Variants in JMY observed in about 807,000 individuals in gnomAD.
JMY encodes the protein junction-mediating and -regulatory protein.
In JMY, 46 loss-of-function variants were observed where a neutral mutation model predicts 103.3. The ratio of observed to expected loss-of-function variants is 0.45; its 90% CI spans 0.35 to 0.57. The LOEUF is 0.57. JMY is among the 20% of genes least tolerant of loss of function. The pLI is 0.00. For missense variants in JMY, 1,238 were observed against 1,255.2 expected, an observed-to-expected ratio of 0.99 and a Z score of 0.21; for synonymous variants, 526 against 489.3, an observed-to-expected ratio of 1.07 and a Z score of -0.99.
chr5:79,294,854 GTC>G lies in JMY; in HGVS notation c.1527+3558_1527+3559del, dbSNP rs1465948683. 2.1e-5 allele frequency among the ~76,000 whole-genome samples: 3 copies of G among 144,582 alleles called. No homozygotes were observed. In the East Asian group the frequency reaches 6.0e-4, roughly 29 times the overall value. The allele number at this position is 144,582 out of a possible 152,430, so 94.9% of individuals were successfully genotyped here. ...GCCTGTGCGACAAGAGTGAAACTCT[GTC>G]TCAAAAAAAAAAAAAAAGGTATATC... On this transcript the variant is annotated intron_variant, in intron 4 of 10. Coordinates refer to ENST00000396137, the MANE Select transcript of JMY (RefSeq NM_152405.5).
At chr5:79,321,322 A>G (rs1230196227) in intron 10 of JMY, among the ~76,000 whole-genome samples, 1 of 152,208 alleles carries the variant, frequency 6.6e-6, no homozygotes, top group Non-Finnish European at 1.5e-5. Flanking sequence ...TTCTTACTCT[A>G]GTAGCAGTTT....
At chr5:79,314,219 T>C (rs752256367) in intron 8 of JMY, 38 bp from the exon 9 acceptor site, 4 of 1,550,712 alleles carry the variant, frequency 2.6e-6, no homozygotes, top group Non-Finnish European at 2.6e-6. Flanking sequence ...ATTGTTTCAA[T>C]AACATTTAAC....
intron 1 of JMY, among the ~76,000 whole-genome samples, chr5:79,239,471 T>C (rs1319255615): frequency 1.3e-5 from 2 of 152,184 alleles, no homozygotes; most frequent in Non-Finnish European, 2.9e-5. Flanking sequence ...AATCCCTTAA[T>C]GAATGGGCCT....
chr5:79,304,480 G>A (rs1211129339), intron 6 of JMY, among the ~76,000 whole-genome samples: 2 of 151,946 alleles, frequency 1.3e-5, no homozygotes, highest in Non-Finnish European at 2.9e-5. Context: ...CCCCGGCTGT[G>A]CTGGTGAAGT....
chr5:79,254,246 C>CA (rs1745174384), intron 1 of JMY, among the ~76,000 whole-genome samples: 1 of 151,994 alleles, frequency 6.6e-6, no homozygotes, highest in African/African-American at 2.4e-5. Flanking sequence ...CATGAGCCAT[C>CA]ACGCCCCAGC....
chr5:79,306,729 G>A (rs1392727732), intron 7 of JMY, among the ~76,000 whole-genome samples: 1 of 152,056 alleles, frequency 6.6e-6, no homozygotes, highest in Non-Finnish European at 1.5e-5. Context: ...ATCCCCCAGA[G>A]TGGAATATTT....
chr5:79,269,543 T>A (rs1745680596), intron 1 of JMY, among the ~76,000 whole-genome samples: 1 of 152,202 alleles, frequency 6.6e-6, no homozygotes. Flanking sequence ...AATACCTTGT[T>A]AGTATTGAGT....
At position 79,325,824 on chromosome 5, in the gene JMY, A is replaced by T. The variant is rs1747621848; in HGVS notation, c.*4222A>T. 6.6e-6 allele frequency: 1 copy of T among 152,162 alleles called. No homozygotes were observed. The highest frequency in any genetic ancestry group is 2.1e-4 in the South Asian group (1 of 4,834). The allele number at this position is 152,162 out of a possible 1,614,324, so 9.4% of individuals were successfully genotyped here. A position where few individuals can be genotyped will look rare whatever the true frequency, so the allele number is the denominator to read the frequency against. On this transcript the variant is annotated 3_prime_UTR_variant, in exon 11 of 11. Coordinates refer to ENST00000396137, the MANE Select transcript of JMY (RefSeq NM_152405.5). Reference sequence around the variant, plus strand: ...AAAGTGAGTTTATATTGTTGCCTAAACTATGTTATGTAAGCAAAGGGTTTG... The same window carrying T: ...AAAGTGAGTTTATATTGTTGCCTAATCTATGTTATGTAAGCAAAGGGTTTG...
chr5:79,306,258 T>A (rs1036719041), intron 6 of JMY, 117 bp from the exon 7 acceptor site: 2 of 672,410 alleles, frequency 3.0e-6, no homozygotes, highest in Non-Finnish European at 5.2e-6. Context: ...CAAGAGGTGG[T>A]CAATGTGATA....
chr5:79,259,840 C>T (rs552440717), intron 1 of JMY, among the ~76,000 whole-genome samples: 19 of 152,344 alleles, frequency 1.2e-4, no homozygotes, highest in East Asian at 3.9e-4. Context: ...TCCCAGGCCC[C>T]GGAGAGTGCA....
intron 6 of JMY, among the ~76,000 whole-genome samples, chr5:79,304,606 A>G (rs1424641782): frequency 2.0e-5 from 3 of 152,238 alleles, no homozygotes; most frequent in Non-Finnish European, 4.4e-5. Flanking sequence ...TCAGAAAATT[A>G]GAATCATTTT....
At chr5:79,248,453 C>T (rs1246253421) in intron 1 of JMY, among the ~76,000 whole-genome samples, 5 of 151,244 alleles carry the variant, frequency 3.3e-5, no homozygotes, top group Admixed American at 6.6e-5. Flanking sequence ...GTTACAGGTG[C>T]GTGCTACCAC....
intron 1 of JMY, among the ~76,000 whole-genome samples, chr5:79,243,746 A>G (rs997380653): frequency 2.0e-5 from 3 of 152,216 alleles, no homozygotes; most frequent in Non-Finnish European, 4.4e-5. Flanking sequence ...AACATTTACA[A>G]TATTTTGATG....
At chr5:79,254,808 C>G (rs1745188716) in intron 1 of JMY, among the ~76,000 whole-genome samples, 1 of 151,938 alleles carries the variant, frequency 6.6e-6, no homozygotes, top group Admixed American at 6.6e-5. Flanking sequence ...TTTTTTAAAT[C>G]CTGCAGTCAC....
Position 79,282,134 on chromosome 5 carries a change from G to A in JMY, c.1206+4051G>A, listed in dbSNP as rs180745712. On this transcript the variant is annotated intron_variant, in intron 2 of 10. Coordinates refer to ENST00000396137, the MANE Select transcript of JMY (RefSeq NM_152405.5). ...AGGTGGGAGAATGACATGAACCTGG[G>A]AGGTGGAGCTTGCAGTGAGCCGAGA... Among the ~76,000 whole-genome samples, 19 of 152,262 alleles carry A rather than the reference G, an allele frequency of 1.2e-4. No individual in the cohort carries two copies. The East Asian group carries it at 3.3e-3, about 26-fold the overall frequency.
chr5:79,325,475 T>C lies in JMY; in HGVS notation c.*3873T>C, dbSNP rs1709002723. ...TTTTACCTAATTATTGCACTAAATG[T>C]AAATGATAACATAAAATTAAGTGTG... On this transcript the variant is annotated 3_prime_UTR_variant, in exon 11 of 11. Transcript: ENST00000396137. 1 of 152,200 alleles carries C rather than the reference T, an allele frequency of 6.6e-6. No individual in the cohort carries two copies. The highest frequency in any genetic ancestry group is 2.1e-4 in the South Asian group (1 of 4,832). 9.4% of individuals were successfully genotyped at this position (152,200 alleles called of 1,614,324 possible).
At chr5:79,258,507 G>T (rs1745323460) in intron 1 of JMY, among the ~76,000 whole-genome samples, 1 of 151,918 alleles carries the variant, frequency 6.6e-6, no homozygotes, top group African/African-American at 2.4e-5. Context: ...TACCAGTCTG[G>T]GTCCCATGCC....
intron 1 of JMY, among the ~76,000 whole-genome samples, chr5:79,238,402 CAAAA>C (rs11390364): frequency 6.7e-6 from 1 of 148,606 alleles, no homozygotes; most frequent in African/African-American, 2.5e-5. Flanking sequence ...CTTAAAATAA[CAAAA>C]AAAAAGTGGA....
At position 79,300,307 on chromosome 5, in the gene JMY, G is replaced by T; in HGVS notation, c.1682G>T (p.Arg561Ile). 6.4e-7 allele frequency: 1 copy of T among 1,566,232 alleles called. No individual in the cohort carries two copies. Among genetic ancestry groups the T allele is most frequent in the South Asian group, 1.2e-5 (1 of 83,610 alleles). ...ACAGCGCAACTAGAAAGCATCAAAA[G>T]ACTTATATCAGGTATGGCGTGCATT... is the stretch of plus-strand genomic sequence containing the variant. ...LLTAQLESIK[R>I]LISEKRDEVV... is the part of the protein sequence containing the mutation. Residue 561 changes from arginine to isoleucine, a missense_variant, in exon 5 of 11, where the codon AGA becomes ATA. Coordinates refer to ENST00000396137, the MANE Select transcript of JMY (RefSeq NM_152405.5).
Sources: gnomAD v4.1 joint callset for allele counts (sites outside exome capture counted in the v4.1 genomes callset) on GRCh38, gnomAD v4.1.1 for gene constraint, MANE v1.5 for transcripts, NCBI Gene and HGNC (gene_info 2026-07-23, HGNC 2026-07-21) for gene names.